The following CDK14 variants were observed in gnomAD, a reference collection of about 807,000 sequenced individuals.
The protein encoded by CDK14 is cyclin dependent kinase 14, also known as cyclin-dependent kinase 14.
CDK14 carries 34 observed loss-of-function variants against 60.7 expected under a neutral mutation model. That is an observed-to-expected ratio of 0.56 (90% CI 0.43 to 0.75). The LOEUF (loss-of-function observed/expected upper bound fraction) is 0.75. CDK14 is among the 30% of genes least tolerant of loss of function. The probability of loss-of-function intolerance (pLI) is 0.00; values close to 1 mark genes in which losing one functional copy is unlikely to be tolerated. For synonymous variants in CDK14, 197 were observed against 203.7 expected (o/e 0.97, Z 0.28); for missense variants, 482 against 564.1 (o/e 0.85, Z 1.47).
chr7:90,793,873 A>G (rs955962666), intron 5 of CDK14, among the ~76,000 whole-genome samples: 2 of 152,154 alleles, frequency 1.3e-5, no homozygotes, highest in African/African-American at 2.4e-5. Context: ...TGGTCCCCCA[A>G]ACTTAACAGT....
intron 2 of CDK14, chr7:90,692,547 T>G: frequency 4.6e-6 from 1 of 215,112 alleles, no homozygotes; most frequent in Non-Finnish European, 8.0e-6. Flanking sequence ...CCAAAAACCA[T>G]TTACATGCCA....
intron 7 of CDK14, among the ~76,000 whole-genome samples, chr7:90,903,457 C>T (rs1177199889): frequency 6.6e-6 from 1 of 151,932 alleles, no homozygotes; most frequent in Non-Finnish European, 1.5e-5. Context: ...TGAAATAAGC[C>T]CCTCACAGAA....
chr7:90,612,829 CTG>C (rs1349096722), intron 2 of CDK14, among the ~76,000 whole-genome samples: 3 of 149,590 alleles, frequency 2.0e-5, no homozygotes, highest in Non-Finnish European at 4.4e-5. Context: ...TTTATTTTCA[CTG>C]TGGTCATATC....
At chr7:91,060,353 T>A (rs1797740693) in intron 11 of CDK14, among the ~76,000 whole-genome samples, 1 of 152,052 alleles carries the variant, frequency 6.6e-6, no homozygotes, top group Non-Finnish European at 1.5e-5. Flanking sequence ...ACTCTTTATC[T>A]AATTTGGCAG....
At chr7:90,740,081 G>C (rs972587581) in intron 3 of CDK14, among the ~76,000 whole-genome samples, 1 of 151,758 alleles carries the variant, frequency 6.6e-6, no homozygotes, top group African/African-American at 2.4e-5. Context: ...AATGCCTAAA[G>C]AGCTCATCAT....
At chr7:91,169,986 T>C (rs1801466259) in intron 14 of CDK14, among the ~76,000 whole-genome samples, 1 of 152,224 alleles carries the variant, frequency 6.6e-6, no homozygotes, top group Non-Finnish European at 1.5e-5. Context: ...TGTCAAGCTG[T>C]CAGGGTTTTA....
At chr7:90,706,915 G>A (rs1459138720) in intron 2 of CDK14, among the ~76,000 whole-genome samples, 1 of 152,100 alleles carries the variant, frequency 6.6e-6, no homozygotes, top group African/African-American at 2.4e-5. Flanking sequence ...CTTCAGGGGA[G>A]ACTAATGCTG....
At chr7:90,659,263 T>G (rs1800812643) in intron 2 of CDK14, among the ~76,000 whole-genome samples, 1 of 152,166 alleles carries the variant, frequency 6.6e-6, no homozygotes, top group Non-Finnish European at 1.5e-5. Flanking sequence ...GTCTGCACTT[T>G]GAGTAAGTGT....
intron 12 of CDK14, among the ~76,000 whole-genome samples, chr7:91,081,831 A>G (rs1296392996): frequency 6.6e-6 from 1 of 152,086 alleles, no homozygotes; most frequent in Non-Finnish European, 1.5e-5. Flanking sequence ...GATCCAACAG[A>G]TATCCAAATT....
intron 14 of CDK14, among the ~76,000 whole-genome samples, chr7:91,132,525 G>A (rs1407349062): frequency 6.6e-6 from 1 of 152,102 alleles, no homozygotes; most frequent in Non-Finnish European, 1.5e-5. Context: ...ACAGACAGAA[G>A]AACCAAAACA....
chr7:90,672,295 C>T (rs1174799683), intron 2 of CDK14, among the ~76,000 whole-genome samples: 1 of 151,988 alleles, frequency 6.6e-6, no homozygotes, highest in African/African-American at 2.4e-5. Flanking sequence ...CAGAAATAAT[C>T]CTTGTGTCCT....
chr7:90,810,070 A>C (rs1041755620), intron 5 of CDK14, among the ~76,000 whole-genome samples: 1 of 152,246 alleles, frequency 6.6e-6, no homozygotes, highest in Non-Finnish European at 1.5e-5. Flanking sequence ...ATTCCTTCTG[A>C]AACTATTCCA....
chr7:90,645,915 A>G (rs1340743758), intron 2 of CDK14, among the ~76,000 whole-genome samples: 1 of 152,196 alleles, frequency 6.6e-6, no homozygotes, highest in Non-Finnish European at 1.5e-5. Context: ...TCTTTTAAGC[A>G]GATCACTGAT....
chr7:90,933,539 A>G (rs561991038), intron 8 of CDK14, among the ~76,000 whole-genome samples: 2 of 152,336 alleles, frequency 1.3e-5, no homozygotes, highest in South Asian at 4.1e-4. Context: ...ATTGTTTTCA[A>G]ACAGCTCACT....
intron 14 of CDK14, among the ~76,000 whole-genome samples, chr7:91,200,288 C>T (rs1451328404): frequency 6.6e-6 from 1 of 152,082 alleles, no homozygotes; most frequent in East Asian, 1.9e-4. Flanking sequence ...TGTGTGTATA[C>T]ATGTATTTGA....
intron 8 of CDK14, among the ~76,000 whole-genome samples, chr7:90,944,338 G>A (rs746446396): frequency 6.6e-6 from 1 of 152,194 alleles, no homozygotes; most frequent in Non-Finnish European, 1.5e-5. Context: ...CTGCTTCAGA[G>A]GTTCATACTA....
intron 11 of CDK14, among the ~76,000 whole-genome samples, chr7:91,057,927 A>T (rs192730638): frequency 0.28 from 42,243 of 151,018 alleles, 6,950 homozygotes; most frequent in East Asian, 0.6. Context: ...AAGTAGTTTT[A>T]TCCAATTCTG....
At chr7:90,991,786 T>TTA (rs1259687863) in intron 10 of CDK14, among the ~76,000 whole-genome samples, 1 of 152,182 alleles carries the variant, frequency 6.6e-6, no homozygotes, top group Non-Finnish European at 1.5e-5. Flanking sequence ...AGACCTGTGA[T>TTA]TCTCCTTGAT....
intron 14 of CDK14, among the ~76,000 whole-genome samples, chr7:91,189,452 T>A (rs550085071): frequency 1.3e-5 from 2 of 152,332 alleles, no homozygotes; most frequent in East Asian, 3.9e-4. Flanking sequence ...TCACTATTGA[T>A]AGTTTATGTG....
Sources: gnomAD v4.1 joint callset for allele counts (sites outside exome capture counted in the v4.1 genomes callset) on GRCh38, gnomAD v4.1.1 for gene constraint, MANE v1.5 for transcripts, NCBI Gene and HGNC (gene_info 2026-07-23, HGNC 2026-07-21) for gene names.